ROBO2: variants seen among roughly 807,000 people sequenced by gnomAD.
ROBO2 encodes roundabout homolog 2.
In ROBO2, 53 loss-of-function variants were observed where a neutral mutation model predicts 160.8. That is an observed-to-expected ratio of 0.33 (90% CI 0.26 to 0.41). ROBO2 has a LOEUF of 0.41. Ranked by LOEUF, ROBO2 falls within the 10% of genes least tolerant of loss-of-function variation. The pLI is 1.00. For synonymous variants in ROBO2, 664 were observed against 611.7 expected (o/e 1.09, Z -1.26); for missense variants, 1,577 against 1,722.4 (o/e 0.92, Z 1.49).
chr3:77,374,169 C>CAAAAAAAAAAA (rs60357417), intron 2 of ROBO2, among the ~76,000 whole-genome samples: 2 of 40,108 alleles, frequency 5.0e-5, no homozygotes, highest in African/African-American at 3.0e-4. Flanking sequence ...GAGACTCCAT[C>CAAAAAAAAAAA]AAAAAAAAAA....
intron 15 of ROBO2, 33 bp from the exon 17 acceptor site, chr3:77,579,914 T>C (rs909946762): frequency 1.3e-6 from 2 of 1,583,434 alleles, no homozygotes. Flanking sequence ...GATAATCTTA[T>C]ATCCATGTGT....
chr3:76,256,299 G>GTCTCTC (rs372215718), intron 2 of ROBO2, among the ~76,000 whole-genome samples: 1,397 of 92,486 alleles, frequency 0.015, 15 homozygotes, highest in Non-Finnish European at 0.023. Context: ...GACAGAGTGA[G>GTCTCTC]TCTCTCTCTC....
intron 2 of ROBO2, among the ~76,000 whole-genome samples, chr3:76,474,996 G>A (rs1217707219): frequency 6.6e-6 from 1 of 151,946 alleles, no homozygotes; most frequent in Non-Finnish European, 1.5e-5. Context: ...TACTTCCATC[G>A]TCAGCCTAAA....
At chr3:76,761,016 CA>C (rs1278113069) in intron 2 of ROBO2, among the ~76,000 whole-genome samples, 2 of 151,570 alleles carry the variant, frequency 1.3e-5, no homozygotes, top group African/African-American at 4.8e-5. Flanking sequence ...ATCAGGAACA[CA>C]TGAAAGCCTG....
At chr3:77,344,617 T>C (rs992378477) in intron 2 of ROBO2, among the ~76,000 whole-genome samples, 2 of 152,144 alleles carry the variant, frequency 1.3e-5, no homozygotes, top group Non-Finnish European at 2.9e-5. Flanking sequence ...CCAGAAGGTA[T>C]AAGAGATGAA....
At chr3:76,132,352 A>G (rs1022203867) in intron 2 of ROBO2, among the ~76,000 whole-genome samples, 4 of 127,854 alleles carry the variant, frequency 3.1e-5, no homozygotes, top group Middle Eastern at 5.4e-3. Flanking sequence ...GCCTAGTCAT[A>G]TAGGCACCCT....
intron 2 of ROBO2, among the ~76,000 whole-genome samples, chr3:76,133,704 A>G (rs572602313): frequency 6.6e-6 from 1 of 152,202 alleles, no homozygotes; most frequent in Non-Finnish European, 1.5e-5. Flanking sequence ...CTGATGTTCG[A>G]AGGCAGGAAG....
chr3:77,031,713 TATA>T (rs1049768731), intron 2 of ROBO2, among the ~76,000 whole-genome samples: 1 of 147,308 alleles, frequency 6.8e-6, no homozygotes, highest in African/African-American at 2.5e-5. Context: ...ACATTATAAT[TATA>T]TTATTATATA....
Position 76,792,666 on chromosome 3 carries a change from A to G in ROBO2, c.110-305348A>G, listed in dbSNP as rs547581085. On this transcript the variant is annotated intron_variant, in intron 2 of 26. Transcript: ENST00000487694. ...TTGCCTATTTCACTATGTCTAAAAT[A>G]TAATTCAAGCATTTGAAACAAGGAG... Among the ~76,000 whole-genome samples the G allele has an allele frequency of 3.9e-5, 6 of 151,900 alleles. No homozygotes were observed. The East Asian group carries it at 1.2e-3, about 30-fold the overall frequency.
At chr3:76,026,140 A>G (rs1242936764) in intron 2 of ROBO2, among the ~76,000 whole-genome samples, 2 of 151,904 alleles carry the variant, frequency 1.3e-5, no homozygotes, top group Non-Finnish European at 2.9e-5. Flanking sequence ...CATTGAATGA[A>G]TGAAGTATTT....
intron 2 of ROBO2, among the ~76,000 whole-genome samples, chr3:77,314,145 A>G (rs567586018): frequency 2.0e-5 from 3 of 152,192 alleles, no homozygotes; most frequent in Non-Finnish European, 4.4e-5. Flanking sequence ...ATAGGCCACA[A>G]CAAGTCACAT....
chr3:76,043,539 TC>T (rs1174531362), intron 2 of ROBO2, among the ~76,000 whole-genome samples: 101 of 139,838 alleles, frequency 7.2e-4, no homozygotes, highest in African/African-American at 2.5e-3. Flanking sequence ...TAACATTGAC[TC>T]CAGCTCACTT....
intron 2 of ROBO2, among the ~76,000 whole-genome samples, chr3:77,173,921 A>G (rs767055957): frequency 3.3e-5 from 5 of 152,092 alleles, no homozygotes; most frequent in Non-Finnish European, 5.9e-5. Context: ...ACCATCTGGC[A>G]TATCCTATCT....
intron 2 of ROBO2, among the ~76,000 whole-genome samples, chr3:76,881,760 C>T (rs1005438337): frequency 2.0e-5 from 3 of 152,202 alleles, no homozygotes; most frequent in Non-Finnish European, 4.4e-5. Context: ...TTGACCCAGA[C>T]GTGGCATCTA....
intron 2 of ROBO2, among the ~76,000 whole-genome samples, chr3:76,503,439 T>A (rs920540239): frequency 3.9e-5 from 6 of 152,120 alleles, no homozygotes; most frequent in Admixed American, 6.6e-5. Flanking sequence ...GTCCATATGA[T>A]CTCACTACTG....
intron 2 of ROBO2, among the ~76,000 whole-genome samples, chr3:76,198,807 A>C (rs1702382130): frequency 6.6e-6 from 1 of 152,004 alleles, no homozygotes; most frequent in African/African-American, 2.4e-5. Context: ...GCCAATTAGA[A>C]ATTCTTTTAG....
At chr3:77,041,565 CTCTTG>C (rs2064101913) in intron 1 of ROBO2, among the ~76,000 whole-genome samples, 1 of 152,128 alleles carries the variant, frequency 6.6e-6, no homozygotes, top group Admixed American at 6.5e-5. Context: ...GCCTCTGATT[CTCTTG>C]TCTTTTGTTC....
At chr3:76,214,822 C>T (rs551210702) in intron 2 of ROBO2, among the ~76,000 whole-genome samples, 1 of 152,332 alleles carries the variant, frequency 6.6e-6, no homozygotes, top group Non-Finnish European at 1.5e-5. Flanking sequence ...AAGTCGTTCT[C>T]CCAGCACGCA....
chr3:77,403,595 TGTG>T (rs2076002266), intron 2 of ROBO2, among the ~76,000 whole-genome samples: 2 of 91,022 alleles, frequency 2.2e-5, no homozygotes, highest in Non-Finnish European at 4.3e-5. Context: ...TGTGTGTGTG[TGTG>T]TGTGTGTGTG....
Sources: allele counts gnomAD v4.1 joint callset (sites outside exome capture counted in the v4.1 genomes callset), GRCh38; gene constraint gnomAD v4.1.1; transcripts MANE v1.5; gene names NCBI Gene and HGNC (gene_info 2026-07-23, HGNC 2026-07-21).